BLTP1: variants seen among roughly 807,000 people sequenced by gnomAD.
BLTP1 encodes bridge-like lipid transfer protein family member 1.
the BLTP1 span, chr4:122,204,815 G>C: frequency 3.6e-6 from 3 of 842,486 alleles, no homozygotes; most frequent in Admixed American, 1.9e-4. Context: ...GCCTAGTTAG[G>C]TAGGAGTAAA....
At chr4:122,305,574 C>T in the BLTP1 span, 2 of 983,818 alleles carry the variant, frequency 2.0e-6, no homozygotes, top group South Asian at 4.7e-5. Context: ...ACAAAAATTT[C>T]TTGTCATCTC....
At chr4:122,347,672 A>G in the BLTP1 span, 1 of 1,613,772 alleles carries the variant, frequency 6.2e-7, no homozygotes, top group Non-Finnish European at 8.5e-7. Context: ...GTGTTCAATG[A>G]GCATATGACA....
the BLTP1 span, chr4:122,356,859 C>G: frequency 6.8e-7 from 1 of 1,478,484 alleles, no homozygotes. Flanking sequence ...GAATATATCT[C>G]CCGTGAGTTG....
At chr4:122,178,256 C>T in the BLTP1 span, 1 of 534,608 alleles carries the variant, frequency 1.9e-6, no homozygotes, top group African/African-American at 2.1e-5. Context: ...CCAGGAAACT[C>T]TTTTAAATTG....
the BLTP1 span, among the ~76,000 whole-genome samples, chr4:122,216,813 G>C: frequency 6.6e-6 from 1 of 151,932 alleles, no homozygotes; most frequent in African/African-American, 2.4e-5. Context: ...TTTGCTTTTG[G>C]GCTCTTGGTG....
At chr4:122,307,430 G>A in the BLTP1 span, 1 of 976,182 alleles carries the variant, frequency 1.0e-6, no homozygotes, top group South Asian at 4.7e-5. Context: ...CCATCTTTAT[G>A]TCCTTTTTAG....
At chr4:122,293,028 C>T in the BLTP1 span, 1 of 916,248 alleles carries the variant, frequency 1.1e-6, no homozygotes, top group South Asian at 5.0e-5. Flanking sequence ...AATAACACTT[C>T]TTAAGTCATG....
At chr4:122,320,014 A>G in the BLTP1 span, among the ~76,000 whole-genome samples, 1 of 152,134 alleles carries the variant, frequency 6.6e-6, no homozygotes, top group African/African-American at 2.4e-5. Context: ...GAGTTCAACT[A>G]TGTCCTTATT....
the BLTP1 span, chr4:122,190,182 G>T: frequency 7.1e-7 from 1 of 1,407,974 alleles, no homozygotes; most frequent in Non-Finnish European, 9.6e-7. Flanking sequence ...CTATACCCTT[G>T]ACCTTCCAGG....
the BLTP1 span, chr4:122,267,569 A>C: frequency 1.2e-6 from 1 of 854,072 alleles, no homozygotes; most frequent in African/African-American, 1.8e-5. Context: ...GTAATAGTGG[A>C]ATTTTTATGA....
the BLTP1 span, among the ~76,000 whole-genome samples, chr4:122,278,325 C>A: frequency 1.3e-5 from 2 of 152,054 alleles, no homozygotes; most frequent in Non-Finnish European, 2.9e-5. Flanking sequence ...AAGAGAAATG[C>A]GCACCCTTTA....
the BLTP1 span, among the ~76,000 whole-genome samples, chr4:122,160,218 A>G: frequency 6.6e-6 from 1 of 152,142 alleles, no homozygotes; most frequent in African/African-American, 2.4e-5. Context: ...TGTGAATGAG[A>G]AAAGCACTCT....
chr4:122,212,312 T>G, the BLTP1 span, among the ~76,000 whole-genome samples: 3 of 152,206 alleles, frequency 2.0e-5, no homozygotes, highest in Non-Finnish European at 4.4e-5. Flanking sequence ...TTCTGTTGAT[T>G]ACATACACAC....
At chr4:122,154,182 T>G in the BLTP1 span, 24 of 940,984 alleles carry the variant, frequency 2.6e-5, no homozygotes, top group East Asian at 2.7e-3. Context: ...TTTTTTTTTT[T>G]TTTTTTTTTT....
the BLTP1 span, chr4:122,199,423 G>A: frequency 1.2e-6 from 2 of 1,613,280 alleles, no homozygotes; most frequent in Non-Finnish European, 1.7e-6. Flanking sequence ...TGCAATATCG[G>A]ACCCTTTTAG....
At chr4:122,196,508 G>T in the BLTP1 span, 1 of 708,162 alleles carries the variant, frequency 1.4e-6, no homozygotes, top group Non-Finnish European at 2.3e-6. Context: ...AAATACTACA[G>T]AAAACAGTCT....
At chr4:122,248,733 G>C in the BLTP1 span, among the ~76,000 whole-genome samples, 1 of 151,946 alleles carries the variant, frequency 6.6e-6, no homozygotes, top group African/African-American at 2.4e-5. Flanking sequence ...CTATTAAAAT[G>C]ATATCTTTGA....
chr4:122,166,290 A>C, the BLTP1 span, among the ~76,000 whole-genome samples: 1 of 152,268 alleles, frequency 6.6e-6, no homozygotes, highest in Admixed American at 6.5e-5. Context: ...CTTTCTACAT[A>C]TGGCTAGCCA....
the BLTP1 span, chr4:122,263,021 TA>T: frequency 1.3e-6 from 2 of 1,589,946 alleles, no homozygotes; most frequent in East Asian, 4.5e-5. Context: ...TGTTTATATT[TA>T]CGGGGGAATT....
Sources: allele counts gnomAD v4.1 joint callset (sites outside exome capture counted in the v4.1 genomes callset), GRCh38; gene constraint gnomAD v4.1.1; transcripts MANE v1.5; gene names NCBI Gene and HGNC (gene_info 2026-07-23, HGNC 2026-07-21).